Variants in CCSER1 observed in about 807,000 individuals in gnomAD.
CCSER1 encodes the protein serine-rich coiled-coil domain-containing protein 1.
CCSER1 carries 41 observed loss-of-function variants against 82.0 expected under a neutral mutation model. That is an observed-to-expected ratio of 0.50 (90% CI 0.39 to 0.65). CCSER1 has a LOEUF of 0.65. Among genes scored for constraint, CCSER1 ranks in the 30% least tolerant of loss-of-function variants. CCSER1 has a pLI of 0.00. For missense variants in CCSER1, 1,119 were observed against 1,064.2 expected (o/e 1.05, Z -0.72); for synonymous variants, 414 against 383.9 (o/e 1.08, Z -0.92).
chr4:91,212,702 A>AT (rs1363124270), intron 10 of CCSER1, among the ~76,000 whole-genome samples: 1 of 152,124 alleles, frequency 6.6e-6, no homozygotes, highest in Non-Finnish European at 1.5e-5. Flanking sequence ...AAACTGAAGT[A>AT]TTTTTTATGA....
chr4:90,429,006 T>C (rs10014151), intron 4 of CCSER1, among the ~76,000 whole-genome samples: 2,684 of 151,938 alleles, frequency 0.018, 34 homozygotes, highest in African/African-American at 0.038. Context: ...AATGTGTCAG[T>C]ATTTTTGTTC....
At chr4:91,526,906 C>G (rs1323898402) in intron 10 of CCSER1, among the ~76,000 whole-genome samples, 1 of 152,022 alleles carries the variant, frequency 6.6e-6, no homozygotes, top group African/African-American at 2.4e-5. Flanking sequence ...ATCATATACT[C>G]TCTTGAATAG....
chr4:90,290,403 AG>A (rs922163749), intron 1 of CCSER1, among the ~76,000 whole-genome samples: 3 of 151,932 alleles, frequency 2.0e-5, no homozygotes, highest in African/African-American at 7.2e-5. Flanking sequence ...CAAAGCAAAT[AG>A]GGTCTCTTTT....
chr4:91,082,690 C>A (rs989240695), intron 9 of CCSER1, among the ~76,000 whole-genome samples: 3 of 152,016 alleles, frequency 2.0e-5, no homozygotes, highest in African/African-American at 7.2e-5. Flanking sequence ...CCAGAATCTA[C>A]AAAGAACTTA....
chr4:91,578,904 ATGTCTATT>A (rs1763590337), intron 10 of CCSER1, among the ~76,000 whole-genome samples: 1 of 151,872 alleles, frequency 6.6e-6, no homozygotes, highest in Non-Finnish European at 1.5e-5. Context: ...ATATGTGTGT[ATGTCTATT>A]TGTCTATTCA....
chr4:90,180,296 AG>A (rs1470917328), intron 1 of CCSER1, among the ~76,000 whole-genome samples: 1 of 152,052 alleles, frequency 6.6e-6, no homozygotes, highest in African/African-American at 2.4e-5. Context: ...AAGAGTAAAG[AG>A]ATAATTGATG....
At chr4:90,313,440 C>G (rs955292573) in intron 3 of CCSER1, among the ~76,000 whole-genome samples, 11 of 152,188 alleles carry the variant, frequency 7.2e-5, no homozygotes, top group Non-Finnish European at 2.9e-5. Flanking sequence ...CAGTACCACT[C>G]TTAGTCCCTG....
At chr4:90,480,348 G>T (rs1765750554) in intron 5 of CCSER1, among the ~76,000 whole-genome samples, 1 of 152,020 alleles carries the variant, frequency 6.6e-6, no homozygotes, top group South Asian at 2.1e-4. Flanking sequence ...TCTGACGGTG[G>T]TTTCTTTTGC....
chr4:90,368,425 C>G (rs907399098), intron 3 of CCSER1, among the ~76,000 whole-genome samples: 4 of 151,720 alleles, frequency 2.6e-5, no homozygotes, highest in African/African-American at 9.7e-5. Context: ...CACTTGAGGC[C>G]AGGGATTCAA....
intron 3 of CCSER1, among the ~76,000 whole-genome samples, chr4:90,379,884 T>C (rs1386754515): frequency 2.0e-5 from 3 of 152,086 alleles, no homozygotes; most frequent in Admixed American, 1.3e-4. Flanking sequence ...CTTCCAACCA[T>C]GGCAGAAGGC....
intron 5 of CCSER1, among the ~76,000 whole-genome samples, chr4:90,539,055 A>C (rs1385165753): frequency 6.6e-6 from 1 of 152,112 alleles, no homozygotes; most frequent in Non-Finnish European, 1.5e-5. Context: ...AATTTCTATC[A>C]TAACTTTTTT....
intron 6 of CCSER1, among the ~76,000 whole-genome samples, chr4:90,721,659 G>A (rs1561014323): frequency 6.6e-6 from 1 of 151,626 alleles, no homozygotes; most frequent in Non-Finnish European, 1.5e-5. Flanking sequence ...GAATGAAAGA[G>A]TAAATGGATT....
intron 5 of CCSER1, among the ~76,000 whole-genome samples, chr4:90,558,139 CT>C (rs1365411170): frequency 8.6e-5 from 13 of 152,038 alleles, no homozygotes; most frequent in African/African-American, 3.1e-4. Flanking sequence ...TCTGAGACTA[CT>C]GATTATTTCA....
At chr4:90,693,360 A>C (rs1243457728) in intron 6 of CCSER1, 1 of 151,980 alleles carries the variant, frequency 6.6e-6, no homozygotes, top group Non-Finnish European at 1.5e-5. Flanking sequence ...TTCTTACCAC[A>C]AATTCACATT....
intron 9 of CCSER1, among the ~76,000 whole-genome samples, chr4:91,029,583 T>C (rs1185960866): frequency 1.3e-5 from 2 of 152,058 alleles, no homozygotes; most frequent in Non-Finnish European, 2.9e-5. Context: ...TGTCATGATT[T>C]GGGATTACAT....
chr4:91,437,356 A>C (rs1754726231), intron 10 of CCSER1, among the ~76,000 whole-genome samples: 2 of 152,226 alleles, frequency 1.3e-5, no homozygotes, highest in South Asian at 4.1e-4. Context: ...ACTACACATA[A>C]TGTCATAAAA....
chr4:90,735,870 T>C (rs926380509), intron 7 of CCSER1, among the ~76,000 whole-genome samples: 1 of 152,164 alleles, frequency 6.6e-6, no homozygotes, highest in Non-Finnish European at 1.5e-5. Context: ...TTAGAAATGC[T>C]TTCACTATAG....
chr4:90,299,025 A>G (rs888502499), intron 1 of CCSER1, among the ~76,000 whole-genome samples: 2 of 152,054 alleles, frequency 1.3e-5, no homozygotes, highest in African/African-American at 4.8e-5. Context: ...GTCATTAAAA[A>G]CTAAGATTGT....
At chr4:90,696,575 C>A (rs755569278) in intron 6 of CCSER1, among the ~76,000 whole-genome samples, 3 of 152,090 alleles carry the variant, frequency 2.0e-5, no homozygotes, top group Non-Finnish European at 4.4e-5. Flanking sequence ...AGATGAAAAG[C>A]ACATAAACTT....
Sources: allele counts gnomAD v4.1 joint callset (sites outside exome capture counted in the v4.1 genomes callset), GRCh38; gene constraint gnomAD v4.1.1; transcripts MANE v1.5; gene names NCBI Gene and HGNC (gene_info 2026-07-23, HGNC 2026-07-21).